KLF12: variants seen among roughly 807,000 people sequenced by gnomAD.
The protein encoded by KLF12 is KLF transcription factor 12.
KLF12 carries 9 observed loss-of-function variants against 37.8 expected under a neutral mutation model. The observed-to-expected ratio is 0.24, with a 90% CI of 0.14 to 0.42. The LOEUF (loss-of-function observed/expected upper bound fraction) is 0.42. Ranked by LOEUF, KLF12 falls within the 10% of genes least tolerant of loss-of-function variation. The pLI is 1.00. For synonymous variants in KLF12, 208 were observed against 202.1 expected (o/e 1.03, Z -0.25); for missense variants, 411 against 516.0 (o/e 0.80, Z 1.97).
intron 3 of KLF12, among the ~76,000 whole-genome samples, chr13:73,934,448 A>G (rs530330889): frequency 2.0e-5 from 3 of 152,192 alleles, no homozygotes; most frequent in African/African-American, 7.2e-5. Context: ...ACTGTCTTTT[A>G]AAAAGATTTT....
chr13:74,152,652 G>T, the KLF12 span, among the ~76,000 whole-genome samples: 2 of 152,072 alleles, frequency 1.3e-5, no homozygotes, highest in Non-Finnish European at 2.9e-5. Context: ...GGAGGCTGAG[G>T]TGGGAGGATC....
chr13:73,888,808 C>G (rs563976497), intron 3 of KLF12, among the ~76,000 whole-genome samples: 1 of 152,312 alleles, frequency 6.6e-6, no homozygotes, highest in East Asian at 1.9e-4. Flanking sequence ...ATTCTTTGCT[C>G]TATCTGCCGT....
At chr13:74,234,195 A>C in the KLF12 span, among the ~76,000 whole-genome samples, 1 of 152,212 alleles carries the variant, frequency 6.6e-6, no homozygotes, top group Non-Finnish European at 1.5e-5. Flanking sequence ...CATCCATGGA[A>C]TACATATAGA....
chr13:73,908,556 C>T (rs1351005451), intron 3 of KLF12, among the ~76,000 whole-genome samples: 2 of 151,354 alleles, frequency 1.3e-5, no homozygotes, highest in Non-Finnish European at 2.9e-5. Flanking sequence ...TCTCGGCTCA[C>T]TGCAACCTCC....
intron 5 of KLF12, among the ~76,000 whole-genome samples, chr13:73,779,789 A>G (rs1264201176): frequency 1.3e-5 from 2 of 152,234 alleles, no homozygotes; most frequent in Non-Finnish European, 2.9e-5. Flanking sequence ...CATAGCTAGC[A>G]TTAGAATTTA....
intron 2 of KLF12, among the ~76,000 whole-genome samples, chr13:73,993,313 G>A (rs991465543): frequency 3.9e-5 from 6 of 152,120 alleles, no homozygotes; most frequent in Non-Finnish European, 5.9e-5. Flanking sequence ...TGAGCTATAA[G>A]GCACAATTGT....
At chr13:74,167,742 T>C in the KLF12 span, among the ~76,000 whole-genome samples, 3 of 152,264 alleles carry the variant, frequency 2.0e-5, no homozygotes, top group African/African-American at 7.2e-5. Context: ...TGCATTTCAT[T>C]GTTCCTGATG....
intron 3 of KLF12, among the ~76,000 whole-genome samples, chr13:73,915,778 C>T (rs1284216008): frequency 1.3e-5 from 2 of 150,296 alleles, no homozygotes; most frequent in Admixed American, 6.7e-5. Flanking sequence ...GTGATCCACC[C>T]GTCTTGGCCT....
At chr13:74,049,128 C>T (rs963034571) in intron 1 of KLF12, among the ~76,000 whole-genome samples, 2 of 152,150 alleles carry the variant, frequency 1.3e-5, no homozygotes, top group African/African-American at 4.8e-5. Context: ...TTCTCAGCCC[C>T]AGAAGTCTAG....
chr13:73,880,213 A>G (rs1037155112), intron 3 of KLF12, among the ~76,000 whole-genome samples: 31 of 152,146 alleles, frequency 2.0e-4, no homozygotes, highest in Admixed American at 2.0e-3. Flanking sequence ...GATTTTAACT[A>G]TTTATATACT....
intron 2 of KLF12, among the ~76,000 whole-genome samples, chr13:73,967,214 G>T (rs537661314): frequency 2.0e-5 from 3 of 152,220 alleles, no homozygotes; most frequent in Admixed American, 2.0e-4. Flanking sequence ...GCATCAGAGG[G>T]GTTTAACCAA....
the KLF12 span, among the ~76,000 whole-genome samples, chr13:74,181,410 T>C: frequency 2.1e-5 from 3 of 143,816 alleles, no homozygotes; most frequent in Admixed American, 6.9e-5. Flanking sequence ...AGGCTGGGTG[T>C]GGTGGCTCAC....
intron 1 of KLF12, among the ~76,000 whole-genome samples, chr13:74,130,079 G>T (rs75659215): frequency 4.9e-4 from 74 of 152,310 alleles, no homozygotes; most frequent in Non-Finnish European, 8.8e-4. Context: ...ATAGGGCAAG[G>T]CCCATCTGTT....
At chr13:73,724,228 T>C (rs1030055444) in intron 6 of KLF12, among the ~76,000 whole-genome samples, 1 of 152,228 alleles carries the variant, frequency 6.6e-6, no homozygotes, top group East Asian at 1.9e-4. Context: ...AATGAGTTAA[T>C]GTCCTTTGCA....
At position 74,009,929 on chromosome 13, in the gene KLF12, C is replaced by A. The variant is rs190946409; in HGVS notation, c.-31-14876G>T. ...CAAACTATAACGAAGATCTTGTTTG[C>A]CAGTGTATTTTACTTTTATTTGCTT... On this transcript the variant is annotated intron_variant, in intron 1 of 7. Transcript: ENST00000377669. Among the ~76,000 whole-genome samples, 4 of 152,220 alleles carry A rather than the reference C, an allele frequency of 2.6e-5. No individual in the cohort carries two copies. The East Asian group carries it at 7.7e-4, about 29-fold the overall frequency.
the KLF12 span, among the ~76,000 whole-genome samples, chr13:74,184,931 C>T: frequency 6.6e-6 from 1 of 152,160 alleles, no homozygotes; most frequent in Non-Finnish European, 1.5e-5. Context: ...GCAGATTGGA[C>T]ATTTTACTAT....
chr13:74,037,217 A>C (rs945821960), intron 1 of KLF12, among the ~76,000 whole-genome samples: 15 of 152,098 alleles, frequency 9.9e-5, no homozygotes, highest in Admixed American at 7.9e-4. Flanking sequence ...AAAAAAAAAA[A>C]AAAAACTTTT....
chr13:73,974,310 C>CAAAAAA (rs61516158), intron 2 of KLF12, among the ~76,000 whole-genome samples: 11 of 146,230 alleles, frequency 7.5e-5, no homozygotes, highest in African/African-American at 2.8e-4. Context: ...AACTTCAAGA[C>CAAAAAA]AAAAAAAAAA....
intron 1 of KLF12, among the ~76,000 whole-genome samples, chr13:74,081,303 A>G (rs1422173519): frequency 6.6e-6 from 1 of 152,226 alleles, no homozygotes; most frequent in Non-Finnish European, 1.5e-5. Context: ...ATTTAGCACA[A>G]TAAATGGTGT....
Sources: allele counts gnomAD v4.1 joint callset (sites outside exome capture counted in the v4.1 genomes callset), GRCh38; gene constraint gnomAD v4.1.1; transcripts MANE v1.5; gene names NCBI Gene and HGNC (gene_info 2026-07-23, HGNC 2026-07-21).